The following TPCN1 variants were observed in gnomAD, a reference collection of about 807,000 sequenced individuals.
TPCN1 encodes the protein two pore channel protein 1.
Under a neutral mutation model 108.8 loss-of-function variants are expected in TPCN1, and 52 were observed. The observed-to-expected ratio is 0.48, with a 90% CI of 0.38 to 0.60. TPCN1 has a LOEUF of 0.60. Ranked by LOEUF, TPCN1 falls within the 20% of genes least tolerant of loss-of-function variation. TPCN1 has a pLI of 0.00. For missense variants in TPCN1, 806 were observed against 1,072.8 expected (o/e 0.75, Z 3.47); for synonymous variants, 446 against 433.7 (o/e 1.03, Z -0.35).
Position 113,288,238 on chromosome 12 carries a change from C to T in TPCN1, c.1706+4C>T. 1 of 1,613,754 alleles carries T rather than the reference C, an allele frequency of 6.2e-7. No individual in the cohort carries two copies. Among genetic ancestry groups the T allele is most frequent in the Non-Finnish European group, 8.5e-7 (1 of 1,179,940 alleles). ...AGCTGCTGCCCCGGATGGCCAGGTA[C>T]TGCCAGCCCCCACCCTGGCCTGCAG... On this transcript the variant is annotated splice_donor_region_variant and intron_variant, in intron 20 of 27. Transcript: ENST00000335509. The surrounding 1 kb of genome is among the most constrained non-coding windows in gnomAD (Gnocchi z 4.8).
intron 2 of TPCN1, among the ~76,000 whole-genome samples, chr12:113,235,725 G>T (rs1953866055): frequency 6.6e-6 from 1 of 152,120 alleles, no homozygotes; most frequent in Non-Finnish European, 1.5e-5. Flanking sequence ...TGCTTTTGTG[G>T]TGTATAACTC....
chr12:113,288,855 GGCCCCACCCA>G lies in TPCN1; in HGVS notation c.1796+15_1796+24del. 1 of 1,613,300 alleles carries G rather than the reference GGCCCCACCCA, an allele frequency of 6.2e-7. No homozygotes were observed. Among genetic ancestry groups the G allele is most frequent in the Non-Finnish European group, 8.5e-7 (1 of 1,179,952 alleles). ...CTTCCCCAACTGCTGCAAGTGAGTAGGCCCCACCCAGCCCCAGGCAGCCTGCATTTCCCGG... is the reference window on the plus strand; with the variant it reads ...CTTCCCCAACTGCTGCAAGTGAGTAGGCCCCAGGCAGCCTGCATTTCCCGG... On this transcript the variant is annotated intron_variant, in intron 21 of 27. Transcript: ENST00000335509. The surrounding 1 kb of genome is among the most constrained non-coding windows in gnomAD (Gnocchi z 4.8).
chr12:113,251,470 C>T (rs1015217940), intron 2 of TPCN1, among the ~76,000 whole-genome samples: 1 of 152,212 alleles, frequency 6.6e-6, no homozygotes, highest in Non-Finnish European at 1.5e-5. Context: ...AGTCCATTCC[C>T]GAGTCCTCGT....
chr12:113,277,074 C>A, intron 11 of TPCN1, 39 bp downstream of exon 11: 2 of 1,594,804 alleles, frequency 1.3e-6, no homozygotes, highest in South Asian at 2.2e-5. Flanking sequence ...GGTCCCTGTC[C>A]TCCCTCCCTT....
intron 2 of TPCN1, chr12:113,244,511 G>A (rs185803578): frequency 1.1e-4 from 106 of 985,428 alleles, no homozygotes; most frequent in Middle Eastern, 5.2e-4. Flanking sequence ...TTCTTTCGGC[G>A]TAGCATCTCA....
At chr12:113,283,777 G>A (rs1369531103) in intron 15 of TPCN1, among the ~76,000 whole-genome samples, 4 of 151,986 alleles carry the variant, frequency 2.6e-5, no homozygotes, top group Non-Finnish European at 5.9e-5. Flanking sequence ...GGGTTCAAAC[G>A]ATCCTCCCAC....
chr12:113,265,801 C>T (rs1955238009), intron 3 of TPCN1, among the ~76,000 whole-genome samples: 1 of 152,016 alleles, frequency 6.6e-6, no homozygotes, highest in African/African-American at 2.4e-5. Flanking sequence ...CCCAGCCCCT[C>T]CCCTCTTTTT....
At chr12:113,293,429 C>CT (rs1956332846) in intron 27 of TPCN1, 80 bp downstream of exon 27, 1 of 1,339,280 alleles carries the variant, frequency 7.5e-7, no homozygotes, top group African/African-American at 1.4e-5. Flanking sequence ...CTCTGGCCCT[C>CT]TGAGTAGAGG....
Position 113,272,714 on chromosome 12 carries a change from C to A in TPCN1, c.783+22C>A. On this transcript the variant is annotated intron_variant, in intron 8 of 27. Coordinates refer to ENST00000335509, the MANE Select transcript of TPCN1 (RefSeq NM_017901.6). The surrounding 1 kb of genome is among the most constrained non-coding windows in gnomAD (Gnocchi z 4.1). ...CCCCGTAAGTAATCAGCACATTTGT[C>A]CGTCTCTTCTTTTATGGAGGGCTTT... 6.2e-7 allele frequency: 1 copy of A among 1,611,026 alleles called. No homozygotes were observed. Among genetic ancestry groups the A allele is most frequent in the Non-Finnish European group, 8.5e-7 (1 of 1,177,126 alleles).
At chr12:113,290,887 G>A in intron 22 of TPCN1, 65 bp from the exon 23 acceptor site, 2 of 1,499,370 alleles carry the variant, frequency 1.3e-6, no homozygotes, top group Non-Finnish European at 9.3e-7. Flanking sequence ...GTGGCAAGAG[G>A]CCACTTGAAA....
chr12:113,249,286 G>A (rs1204512938), intron 2 of TPCN1, among the ~76,000 whole-genome samples: 2 of 152,242 alleles, frequency 1.3e-5, no homozygotes, highest in Non-Finnish European at 2.9e-5. Flanking sequence ...TTTCACAGCT[G>A]TATGCTGTCC....
chr12:113,259,654 C>A lies in TPCN1; in HGVS notation c.113-714C>A, dbSNP rs149184808. Among the ~76,000 whole-genome samples, 16 of 152,312 alleles carry A rather than the reference C, an allele frequency of 1.1e-4. No homozygotes were observed. The East Asian group carries it at 2.5e-3, about 24-fold the overall frequency. ...GAAAGAGCCCCTCCTTCCTAATTGG[C>A]CTGGGAACAGTTTCAAGTTCAGCTG... On this transcript the variant is annotated intron_variant, in intron 2 of 27. Coordinates refer to ENST00000335509, the MANE Select transcript of TPCN1 (RefSeq NM_017901.6).
chr12:113,296,031 C>G lies in TPCN1; in HGVS notation c.2406C>G (p.Ala802=), dbSNP rs373149139. 3.1e-6 allele frequency: 5 copies of G among 1,613,092 alleles called. No homozygotes were observed. In the Admixed American group the frequency reaches 6.7e-5, roughly 22 times the overall value. The part of the protein sequence containing the change: ...RQLSSSAAPA[A]QQPPGSRQRS... ...TCAGCAGCAGTGCAGCCCCCGCCGCCCAGCAGCCCCCAGGCAGCCGCCAGC... is the reference window on the plus strand; with the variant it reads ...TCAGCAGCAGTGCAGCCCCCGCCGCGCAGCAGCCCCCAGGCAGCCGCCAGC... Residue 802 remains alanine, a synonymous_variant, in exon 28 of 28, where the codon GCC becomes GCG. Transcript: ENST00000335509.
chr12:113,282,323 C>T (rs987271681), intron 15 of TPCN1, among the ~76,000 whole-genome samples: 2 of 151,912 alleles, frequency 1.3e-5, no homozygotes, highest in African/African-American at 4.8e-5. Context: ...GAACTTCTGA[C>T]CTCAGTTGAT....
chr12:113,234,486 GGA>G (rs1953810759), intron 2 of TPCN1, among the ~76,000 whole-genome samples: 1 of 152,230 alleles, frequency 6.6e-6, no homozygotes, highest in African/African-American at 2.4e-5. Flanking sequence ...CCCCTTATCA[GGA>G]CTTGCCTGGT....
rs1956480956 is a variant in TPCN1 at position 113,298,001 on chromosome 12, G to C, written c.*1925G>C. The C allele has an allele frequency of 6.6e-6, 1 of 152,426 alleles. No homozygotes were observed. The highest frequency in any genetic ancestry group is 2.4e-5 in the African/African-American group (1 of 41,444). The allele number at this position is 152,426 out of a possible 1,614,324, so 9.4% of individuals were successfully genotyped here. On this transcript the variant is annotated 3_prime_UTR_variant, in exon 28 of 28. Transcript: ENST00000335509. ...CCAGCAGCACCCCGGGGTCTGCCCA[G>C]GGGAGTCAAGGCCCCGAGGTGGGGG...
chr12:113,281,681 G>T (rs1338225895), intron 15 of TPCN1, among the ~76,000 whole-genome samples: 1 of 152,130 alleles, frequency 6.6e-6, no homozygotes, highest in Non-Finnish European at 1.5e-5. Context: ...TGGGACCACA[G>T]GTGCATGCCA....
Position 113,290,261 on chromosome 12 carries a change from C to G in TPCN1, c.1912+18C>G. On this transcript the variant is annotated intron_variant, in intron 22 of 27. Transcript: ENST00000335509. ...CAGCTTTGGTGAGTGGGAAAAATCA[C>G]AGGGGGCACATTCCCTGGGGACCCC... 1 of 1,524,188 alleles carries G rather than the reference C, an allele frequency of 6.6e-7. No individual in the cohort carries two copies. Among genetic ancestry groups the G allele is most frequent in the Non-Finnish European group, 9.0e-7 (1 of 1,113,100 alleles). The allele number at this position is 1,524,188 out of a possible 1,614,324, so 94.4% of individuals were successfully genotyped here.
At chr12:113,261,149 A>C (rs1196119260) in intron 3 of TPCN1, among the ~76,000 whole-genome samples, 2 of 152,132 alleles carry the variant, frequency 1.3e-5, no homozygotes, top group Non-Finnish European at 2.9e-5. Flanking sequence ...GCACCACTGC[A>C]CTTCAGCCTG....
Sources: gnomAD v4.1 joint callset for allele counts (sites outside exome capture counted in the v4.1 genomes callset) on GRCh38, gnomAD v4.1.1 for gene constraint, Gnocchi (gnomAD v3.1) non-coding constraint, MANE v1.5 for transcripts, NCBI Gene and HGNC (gene_info 2026-07-23, HGNC 2026-07-21) for gene names.